PVT1: variants seen among roughly 807,000 people sequenced by gnomAD.
PVT1 encodes CXCR4/PVT1 fusion.
intron 2 of PVT1, among the ~76,000 whole-genome samples, chr8:127,822,569 T>G (rs1275632027): frequency 6.6e-6 from 1 of 152,152 alleles, no homozygotes; most frequent in South Asian, 2.1e-4. Context: ...AGAGCAGGAC[T>G]CTGTCTCAGA....
chr8:127,937,580 C>CACACACACACACACACACACACAGAG (rs59006608), intron 3 of PVT1, among the ~76,000 whole-genome samples: 37 of 107,868 alleles, frequency 3.4e-4, no homozygotes, highest in African/African-American at 1.4e-3. Flanking sequence ...CACACACACA[C>CACACACACACACACACACACACAGAG]AGAGAGAGAG....
chr8:127,992,946 G>A (rs1044121141), intron 4 of PVT1, among the ~76,000 whole-genome samples: 1 of 152,214 alleles, frequency 6.6e-6, no homozygotes, highest in Non-Finnish European at 1.5e-5. Flanking sequence ...CAAGGTATGT[G>A]TGTAAAGATT....
intron 2 of PVT1, among the ~76,000 whole-genome samples, chr8:127,845,149 C>A (rs1318304679): frequency 6.6e-6 from 1 of 152,076 alleles, no homozygotes; most frequent in Non-Finnish European, 1.5e-5. Flanking sequence ...TAGCCCTTTG[C>A]AGGGTATAAA....
rs1036728744 is a variant in PVT1, at chr8:127,891,009, C to T, written n.782+11C>T. The T allele has an allele frequency of 4.6e-5, 7 of 152,758 alleles. No homozygotes were observed. The East Asian group carries it at 5.8e-4, about 13-fold the overall frequency. 9.5% of individuals were successfully genotyped at this position (152,758 alleles called of 1,614,324 possible). ...TCAGCTGGGCTTGAGGTGAGGCTGT[C>T]CTGGCTGGTCACGGAGGGTTCACTG... is the stretch of plus-strand genomic sequence containing the variant. On this transcript the variant is annotated intron_variant and non_coding_transcript_variant, in intron 3 of 10. Transcript: ENST00000651587.
intron 2 of PVT1, among the ~76,000 whole-genome samples, chr8:127,820,636 A>G (rs1300103222): frequency 6.6e-6 from 1 of 151,852 alleles, no homozygotes; most frequent in African/African-American, 2.4e-5. Context: ...GGGAAGCCCA[A>G]GTTCTGGCCC....
chr8:127,863,988 G>A (rs1452515726), intron 2 of PVT1, among the ~76,000 whole-genome samples: 2 of 152,214 alleles, frequency 1.3e-5, no homozygotes, highest in Non-Finnish European at 2.9e-5. Context: ...GCGAGATGTA[G>A]GGGAAAGGTT....
At chr8:128,080,948 C>T (rs576774178) in intron 5 of PVT1, among the ~76,000 whole-genome samples, 71 of 152,286 alleles carry the variant, frequency 4.7e-4, no homozygotes, top group African/African-American at 1.6e-3. Context: ...TGTTTCAGCA[C>T]CATTTGTTGA....
intron 4 of PVT1, among the ~76,000 whole-genome samples, chr8:127,990,360 G>T (rs1685391684): frequency 6.6e-6 from 1 of 152,170 alleles, no homozygotes; most frequent in Non-Finnish European, 1.5e-5. Context: ...ACAGGATCTG[G>T]CATAGTGCCT....
chr8:127,858,631 T>G (rs954380220), intron 2 of PVT1, among the ~76,000 whole-genome samples: 2 of 151,704 alleles, frequency 1.3e-5, no homozygotes, highest in African/African-American at 4.8e-5. Context: ...CTGTTTTCTG[T>G]AAAGGAATGA....
chr8:128,053,995 G>C (rs186490940), intron 4 of PVT1, among the ~76,000 whole-genome samples: 1 of 152,376 alleles, frequency 6.6e-6, no homozygotes, highest in Admixed American at 6.5e-5. Context: ...GCTGCCTTTA[G>C]TGGGGACAAA....
At chr8:127,850,808 C>T (rs1015923635) in intron 2 of PVT1, among the ~76,000 whole-genome samples, 2 of 152,108 alleles carry the variant, frequency 1.3e-5, no homozygotes, top group African/African-American at 2.4e-5. Context: ...CACCTGAGGT[C>T]AGGAGTTCAA....
intron 2 of PVT1, among the ~76,000 whole-genome samples, chr8:127,864,794 C>T (rs992772276): frequency 2.0e-5 from 3 of 152,222 alleles, no homozygotes; most frequent in East Asian, 3.9e-4. Flanking sequence ...GTGATCCGCC[C>T]GCCTCAGCCT....
intron 2 of PVT1, among the ~76,000 whole-genome samples, chr8:127,842,611 C>T (rs1814985569): frequency 6.6e-6 from 1 of 152,056 alleles, no homozygotes; most frequent in South Asian, 2.1e-4. Context: ...CAACTCTGGA[C>T]TCCACAGAAA....
At chr8:128,081,643 G>T (rs1358181632) in intron 5 of PVT1, among the ~76,000 whole-genome samples, 1 of 152,204 alleles carries the variant, frequency 6.6e-6, no homozygotes, top group East Asian at 1.9e-4. Context: ...CTTTCTGAGT[G>T]TGAGATCCAC....
At chr8:127,795,487 T>G (rs936635457) in intron 1 of PVT1, among the ~76,000 whole-genome samples, 12 of 152,090 alleles carry the variant, frequency 7.9e-5, no homozygotes, top group Non-Finnish European at 1.6e-4. Flanking sequence ...TCTAGAACAT[T>G]AGAGAGGAGA....
chr8:128,063,896 T>C (rs375895777), intron 4 of PVT1, among the ~76,000 whole-genome samples: 23 of 152,328 alleles, frequency 1.5e-4, no homozygotes, highest in African/African-American at 5.1e-4. Flanking sequence ...ACATGTTAAT[T>C]AGCTAGATTT....
chr8:128,082,057 G>T (rs1814188915), intron 5 of PVT1, among the ~76,000 whole-genome samples: 1 of 152,160 alleles, frequency 6.6e-6, no homozygotes, highest in Non-Finnish European at 1.5e-5. Context: ...TGAGTACAAG[G>T]CCACTATAGC....
chr8:127,980,119 C>T lies in PVT1; in HGVS notation n.783-9043C>T, dbSNP rs370392337. On this transcript the variant is annotated intron_variant and non_coding_transcript_variant, in intron 3 of 10. Transcript: ENST00000651587. ...CTGGTCTTGAGCTCCTGGCATTAAG[C>T]GATCTTCCTGCCTCGACCTCCTGAA... Among the ~76,000 whole-genome samples, 155 of 152,128 alleles carry T rather than the reference C, an allele frequency of 1.0e-3. 1 individual carries two copies. The highest frequency in any genetic ancestry group is 3.6e-3 in the African/African-American group (148 of 41,482).
intron 4 of PVT1, among the ~76,000 whole-genome samples, chr8:128,058,973 C>T (rs979615452): frequency 6.6e-6 from 1 of 152,144 alleles, no homozygotes; most frequent in Non-Finnish European, 1.5e-5. Flanking sequence ...GTAGTGAGTG[C>T]CCTTTTATTC....
Sources: gnomAD v4.1 joint callset for allele counts (sites outside exome capture counted in the v4.1 genomes callset) on GRCh38, gnomAD v4.1.1 for gene constraint, MANE v1.5 for transcripts, NCBI Gene and HGNC (gene_info 2026-07-23, HGNC 2026-07-21) for gene names.